AHI1: variants seen among roughly 807,000 people sequenced by gnomAD.
The protein encoded by AHI1 is Abelson helper integration site 1.
A neutral mutation model predicts 149.3 loss-of-function variants in AHI1; 123 were observed. The observed-to-expected ratio is 0.82, with a 90% CI of 0.71 to 0.96. The LOEUF is 0.96. Ranked by LOEUF, AHI1 falls within the 40% of genes least tolerant of loss-of-function variation. The pLI is 0.00. For missense variants in AHI1, 1,439 were observed against 1,422.7 expected (o/e 1.01, Z -0.18); for synonymous variants, 475 against 459.8 (o/e 1.03, Z -0.42).
At chr6:135,355,526 C>T (rs1206382999) in intron 24 of AHI1, among the ~76,000 whole-genome samples, 2 of 152,124 alleles carry the variant, frequency 1.3e-5, no homozygotes, top group African/African-American at 2.4e-5. Flanking sequence ...TATTATAGTA[C>T]TATAGAATCA....
chr6:135,300,870 C>T, intron 26 of AHI1: 3 of 1,045,176 alleles, frequency 2.9e-6, no homozygotes, highest in Non-Finnish European at 3.5e-6. Context: ...TCTCCCAATA[C>T]AATGTGGTAT....
intron 23 of AHI1, among the ~76,000 whole-genome samples, chr6:135,384,823 TCACACCTATAATCC>T (rs1777339572): frequency 6.6e-6 from 1 of 152,192 alleles, no homozygotes; most frequent in Admixed American, 6.5e-5. Flanking sequence ...GCATGGTAGC[TCACACCTATAATCC>T]CAGCACTTTG....
intron 9 of AHI1, among the ~76,000 whole-genome samples, chr6:135,456,849 T>C (rs1056725128): frequency 4.6e-5 from 7 of 152,194 alleles, no homozygotes; most frequent in Admixed American, 6.5e-5. Context: ...CAGATAACAT[T>C]ACTTTCAAAA....
intron 26 of AHI1, among the ~76,000 whole-genome samples, chr6:135,311,394 A>T (rs1785191004): frequency 1.3e-5 from 2 of 152,014 alleles, no homozygotes; most frequent in Non-Finnish European, 2.9e-5. Flanking sequence ...AACATAAAAA[A>T]TAGACAAAGA....
intron 24 of AHI1, among the ~76,000 whole-genome samples, chr6:135,330,610 G>T (rs1023977902): frequency 6.6e-6 from 1 of 152,132 alleles, no homozygotes; most frequent in African/African-American, 2.4e-5. Context: ...GAACCAAACC[G>T]GCAATATCTT....
At chr6:135,382,907 AAAAAAAAAAAAAAAAAAAAATAT>A (rs1393695403) in intron 23 of AHI1, among the ~76,000 whole-genome samples, 285 of 96,902 alleles carry the variant, frequency 2.9e-3, no homozygotes, top group African/African-American at 0.011. Flanking sequence ...AAAAAAAAAA[AAAAAAAAAAAAAAAAAAAAATAT>A]ATATATATAT....
At chr6:135,431,125 C>T in intron 17 of AHI1, 83 bp downstream of exon 17, 1 of 847,582 alleles carries the variant, frequency 1.2e-6, no homozygotes. Flanking sequence ...ACAGAATGTC[C>T]TGACATCCTA....
chr6:135,416,121 G>A (rs1164107050), intron 20 of AHI1, among the ~76,000 whole-genome samples: 1 of 151,936 alleles, frequency 6.6e-6, no homozygotes, highest in East Asian at 1.9e-4. Flanking sequence ...AAATAGTTCA[G>A]TTTATAATAT....
At chr6:135,429,423 A>C (rs1338269897) in intron 18 of AHI1, among the ~76,000 whole-genome samples, 1 of 151,608 alleles carries the variant, frequency 6.6e-6, no homozygotes, top group Non-Finnish European at 1.5e-5. Flanking sequence ...ATTTCCCTAC[A>C]TTTGCGATTA....
At chr6:135,433,353 A>C in intron 15 of AHI1, 97 bp from the exon 16 acceptor site, 1 of 788,198 alleles carries the variant, frequency 1.3e-6, no homozygotes, top group East Asian at 2.7e-5. Context: ...ACCTTAAGCA[A>C]GCAAGTGACA....
Position 135,490,517 on chromosome 6 carries a change from C to T in AHI1, c.135+106G>A, listed in dbSNP as rs372668400. ...TGTTATTGACCATGACATAGTGTTACTGTTTTTAATTTTCAAAATTCCTTA... is the reference window on the plus strand; with the variant it reads ...TGTTATTGACCATGACATAGTGTTATTGTTTTTAATTTTCAAAATTCCTTA... On this transcript the variant is annotated intron_variant, in intron 5 of 28. Transcript: ENST00000265602. 38 of 1,318,428 alleles carry T rather than the reference C, an allele frequency of 2.9e-5. No individual in the cohort carries two copies. In the African/African-American group the frequency reaches 3.5e-4, roughly 12 times the overall value. The allele number at this position is 1,318,428 out of a possible 1,614,324, so 81.7% of individuals were successfully genotyped here.
In AHI1 at chr6:135,428,654, T is replaced by C. The variant is rs1448795637; in HGVS notation, c.2598A>G (p.Ile866Met). 3 of 1,608,516 alleles carry C rather than the reference T, an allele frequency of 1.9e-6. No homozygotes were observed. In the South Asian group the frequency reaches 3.3e-5, roughly 18 times the overall value. ...CTGTTTCTGGGTTCCAAACATACAC[T>C]ATACCATCCTCACTTCCAGCAAACA... is the stretch of plus-strand genomic sequence containing the variant. Reference protein sequence around the residue: ...TFLFAGSEDGIVYVWNPETGE... With the variant: ...TFLFAGSEDGMVYVWNPETGE... The change falls in exon 19 of 29, where the codon ATA (isoleucine) becomes ATG (methionine). Residue 866 changes from isoleucine (I) to methionine (M), a missense_variant. By Grantham distance (10) the Ile-to-Met change is conservative. Coordinates refer to ENST00000265602, the MANE Select transcript of AHI1 (RefSeq NM_001134831.2).
At chr6:135,364,350 C>G (rs980084106) in intron 23 of AHI1, among the ~76,000 whole-genome samples, 2 of 150,752 alleles carry the variant, frequency 1.3e-5, no homozygotes, top group East Asian at 3.9e-4. Flanking sequence ...CGGGAAGAGG[C>G]GCTCCTCACT....
chr6:135,410,137 A>G (rs143765961), intron 21 of AHI1, among the ~76,000 whole-genome samples: 1 of 152,330 alleles, frequency 6.6e-6, no homozygotes, highest in Non-Finnish European at 1.5e-5. Context: ...AGGCAAGAGC[A>G]CTGCTGACTG....
intron 9 of AHI1, 76 bp downstream of exon 9, chr6:135,457,418 T>G: frequency 8.9e-7 from 1 of 1,127,814 alleles, no homozygotes. Context: ...CCACTGACTT[T>G]CAACTACCAA....
chr6:135,381,101 T>C (rs1776705049), intron 23 of AHI1, among the ~76,000 whole-genome samples: 1 of 152,162 alleles, frequency 6.6e-6, no homozygotes, highest in South Asian at 2.1e-4. Flanking sequence ...GTGTTTTACT[T>C]TCAACTCTTC....
At chr6:135,301,758 C>T (rs750460245) in intron 26 of AHI1, 18 of 985,304 alleles carry the variant, frequency 1.8e-5, no homozygotes, top group Non-Finnish European at 2.0e-5. Context: ...TAATTTTTCT[C>T]CACCAGTGGA....
Position 135,290,913 on chromosome 6 carries a change from AACACACACACACAC to A in AHI1, c.3486-402_3486-389del, listed in dbSNP as rs574033007. 1.2e-3 allele frequency among the ~76,000 whole-genome samples: 181 copies of A among 146,264 alleles called. 1 individual carries two copies. Among genetic ancestry groups the A allele is most frequent in the Admixed American group, 2.5e-3 (37 of 14,684 alleles). On this transcript the variant is annotated intron_variant, in intron 27 of 28. Coordinates refer to ENST00000265602, the MANE Select transcript of AHI1 (RefSeq NM_001134831.2). ...ATCAACTTAGGTGGAAACACACACAAACACACACACACACACACACACACACACAAAAGTATAGG... is the reference window on the plus strand; with the variant it reads ...ATCAACTTAGGTGGAAACACACACAAACACACACACACACAAAAGTATAGG...
At chr6:135,395,677 TC>T (rs1239379392) in intron 22 of AHI1, among the ~76,000 whole-genome samples, 1 of 151,820 alleles carries the variant, frequency 6.6e-6, no homozygotes, top group African/African-American at 2.4e-5. Flanking sequence ...TATCTTTTTT[TC>T]ATTATTAACA....
Sources: allele counts gnomAD v4.1 joint callset (sites outside exome capture counted in the v4.1 genomes callset), GRCh38; gene constraint gnomAD v4.1.1; transcripts MANE v1.5; gene names NCBI Gene and HGNC (gene_info 2026-07-23, HGNC 2026-07-21).